The following ZNF230 variants were observed in gnomAD, a reference collection of about 807,000 sequenced individuals.
ZNF230 encodes the protein zinc finger protein FDZF2.
Under a neutral mutation model 10.0 loss-of-function variants are expected in ZNF230, and 12 were observed. That is an observed-to-expected ratio of 1.20 (90% confidence interval 0.77 to 1.95). The LOEUF is 1.95. Ranked by LOEUF, ZNF230 falls within the 30% of genes most tolerant of loss-of-function variation. The pLI, the probability that ZNF230 is intolerant of heterozygous loss-of-function variation, is 0.00. For synonymous variants in ZNF230, 174 were observed against 193.6 expected (o/e 0.90, Z 0.84); for missense variants, 532 against 565.8 (o/e 0.94, Z 0.61).
In ZNF230 at chr19:44,011,569, CTTTGT is replaced by C. The variant is rs765149988; in HGVS notation, c.*110_*114del. 4.9e-6 allele frequency: 6 copies of C among 1,227,624 alleles called. No homozygotes were observed. The highest frequency in any genetic ancestry group is 1.5e-5 in the South Asian group (1 of 65,448). The allele number at this position is 1,227,624 out of a possible 1,614,324, so 76.0% of individuals were successfully genotyped here. On this transcript the variant is annotated 3_prime_UTR_variant, in exon 5 of 5. Coordinates refer to ENST00000429154, the MANE Select transcript of ZNF230 (RefSeq NM_006300.4). ...GTATTACCTTAAACAATTAACATTT[CTTTGT>C]TTTGGGAAAATTCAAAATCCATTGT...
At chr19:44,007,221 T>C in intron 2 of ZNF230, 128 bp downstream of exon 2, 1 of 809,160 alleles carries the variant, frequency 1.2e-6, no homozygotes, top group Non-Finnish European at 1.8e-6. Context: ...TGCCAGTTGC[T>C]TCCTTTGTCT....
intron 2 of ZNF230, 35 bp from the exon 3 acceptor site, chr19:44,008,755 C>G (rs375934191): frequency 6.2e-7 from 1 of 1,608,884 alleles, no homozygotes; most frequent in Non-Finnish European, 8.5e-7. Context: ...AGTCCATGGT[C>G]ATAGGATTGA....
In ZNF230 at chr19:44,011,365, C is replaced by G. The variant is rs1437942936; in HGVS notation, c.1326C>G (p.His442Gln). The change falls in exon 5 of 5, where the codon CAC becomes CAG. Residue 442 changes from histidine to glutamine, a missense_variant. Coordinates refer to ENST00000429154, the MANE Select transcript of ZNF230 (RefSeq NM_006300.4). ...RSFCKDQQGD[H>Q]NGENSSKCED... is the part of the protein sequence containing the mutation. Reference sequence around the variant, plus strand: ...TCTGTAAAGACCAACAAGGAGACCACAATGGAGAAAACTCATCCAAATGTG... The same window carrying G: ...TCTGTAAAGACCAACAAGGAGACCAGAATGGAGAAAACTCATCCAAATGTG... 1 of 1,614,042 alleles carries G rather than the reference C, an allele frequency of 6.2e-7. No individual in the cohort carries two copies.
rs1391724327 is a variant in ZNF230, at chr19:44,011,152, G to A, written c.1113G>A (p.Lys371=). 1 of 1,614,154 alleles carries A rather than the reference G, an allele frequency of 6.2e-7. No individual in the cohort carries two copies. Among genetic ancestry groups the A allele is most frequent in the South Asian group, 1.1e-5 (1 of 91,088 alleles). ...EKPYRCEECG[K]GYISKSGLNL... Reference sequence around the variant, plus strand: ...CATACAGATGTGAGGAGTGTGGGAAGGGCTACATTAGTAAGTCAGGTCTTA... The same window carrying A: ...CATACAGATGTGAGGAGTGTGGGAAAGGCTACATTAGTAAGTCAGGTCTTA... The change falls in exon 5 of 5, where the codon AAG becomes AAA. Residue 371 remains lysine (K), a synonymous_variant. Transcript: ENST00000429154.
At position 44,010,903 on chromosome 19, in the gene ZNF230, C is replaced by T; in HGVS notation, c.864C>T (p.Ser288=). ...TCAAATGTGAAATATGTGGTAAGAG[C>T]TTCTGCCTTAGGTCAAGTCTTAATA... ...KPFKCEICGK[S]FCLRSSLNRH... Residue 288 remains serine (S), a synonymous_variant, in exon 5 of 5, where the codon AGC becomes AGT. Transcript: ENST00000429154. 12 of 1,614,216 alleles carry T rather than the reference C, an allele frequency of 7.4e-6. No homozygotes were observed. Among genetic ancestry groups the T allele is most frequent in the African/African-American group, 1.3e-5 (1 of 75,054 alleles).
rs1277589039 is a variant in ZNF230, at chr19:44,011,011, T to A, written c.972T>A (p.His324Gln). Reference sequence around the variant, plus strand: ...GCTTCACTGATAGCCTAGATTTGCATAAGCATCAGATAATTCACACAGGAC... The same window carrying A: ...GCTTCACTGATAGCCTAGATTTGCAAAAGCATCAGATAATTCACACAGGAC... ...GKGFTDSLDL[H>Q]KHQIIHTGQK... The change falls in exon 5 of 5, where the codon CAT becomes CAA. Residue 324 changes from histidine to glutamine, a missense_variant. His to Gln is a conservative substitution (Grantham distance 24). Coordinates refer to ENST00000429154, the MANE Select transcript of ZNF230 (RefSeq NM_006300.4). 1 of 1,614,190 alleles carries A rather than the reference T, an allele frequency of 6.2e-7. No homozygotes were observed. The highest frequency in any genetic ancestry group is 2.2e-5 in the East Asian group (1 of 44,880).
intron 2 of ZNF230, 68 bp from the exon 3 acceptor site, chr19:44,008,722 C>G (rs1976144079): frequency 1.3e-6 from 2 of 1,569,842 alleles, no homozygotes; most frequent in African/African-American, 1.4e-5. Context: ...TCTCCGCCTG[C>G]TCAATGCTGC....
chr19:44,010,305 A>G lies in ZNF230; in HGVS notation c.266A>G (p.Asp89Gly), dbSNP rs759465343. ...ATTGCGGAAGCAGGACCACATGAAG[A>G]CTGCCCTTGCCAGCAAATCTGGGAA... ...KTIAEAGPHE[D>G]CPCQQIWEQT... is the part of the protein sequence containing the mutation. The change falls in exon 5 of 5, where the codon GAC becomes GGC. Residue 89 changes from aspartate (D) to glycine (G), a missense_variant. Transcript: ENST00000429154. 15 of 1,613,334 alleles carry G rather than the reference A, an allele frequency of 9.3e-6. No individual in the cohort carries two copies. The Admixed American group carries it at 1.8e-4, about 20-fold the overall frequency.
In ZNF230 at chr19:44,013,241, A is replaced by G. The variant is rs922551121; in HGVS notation, c.*1777A>G. The G allele has an allele frequency of 6.6e-6, 1 of 152,192 alleles. No homozygotes were observed. The highest frequency in any genetic ancestry group is 6.5e-5 in the Admixed American group (1 of 15,286). The allele number at this position is 152,192 out of a possible 1,614,324, so 9.4% of individuals were successfully genotyped here. A position where few individuals can be genotyped will look rare whatever the true frequency, so the allele number is the denominator to read the frequency against. ...CAGGTAGAAGCTATGCCAATTTGAC[A>G]ATTTTTGGAAACCTAACCTAATATT... On this transcript the variant is annotated 3_prime_UTR_variant, in exon 5 of 5. Transcript: ENST00000429154.
chr19:44,007,758 C>T (rs1467581577), intron 2 of ZNF230, among the ~76,000 whole-genome samples: 1 of 152,224 alleles, frequency 6.6e-6, no homozygotes, highest in Non-Finnish European at 1.5e-5. Flanking sequence ...ATTCTGTCTT[C>T]TTTATAAATC....
Position 44,012,616 on chromosome 19 carries a change from A to C in ZNF230, c.*1152A>C, listed in dbSNP as rs1976198375. On this transcript the variant is annotated 3_prime_UTR_variant, in exon 5 of 5. Coordinates refer to ENST00000429154, the MANE Select transcript of ZNF230 (RefSeq NM_006300.4). ...CAAAACCCTAATGATGAACATGTCA[A>C]AAGTGGTGACCACTAGAATGTCAAC... The C allele has an allele frequency of 2.5e-6, 1 of 405,358 alleles. No individual in the cohort carries two copies. Among genetic ancestry groups the C allele is most frequent in the South Asian group, 1.9e-5 (1 of 53,074 alleles). 25.1% of individuals were successfully genotyped at this position (405,358 alleles called of 1,614,324 possible).
intron 2 of ZNF230, among the ~76,000 whole-genome samples, chr19:44,008,195 T>C (rs771169661): frequency 6.6e-6 from 1 of 152,114 alleles, no homozygotes; most frequent in Non-Finnish European, 1.5e-5. Context: ...TAACTCAAGA[T>C]ATTATCTTTT....
At position 44,011,695 on chromosome 19, in the gene ZNF230, T is replaced by C. The variant is rs1976186367; in HGVS notation, c.*231T>C. 4.6e-6 allele frequency: 2 copies of C among 434,944 alleles called. No individual in the cohort carries two copies. The highest frequency in any genetic ancestry group is 8.1e-6 in the Non-Finnish European group (2 of 246,490). 26.9% of individuals were successfully genotyped at this position (434,944 alleles called of 1,614,324 possible). A position where few individuals can be genotyped will look rare whatever the true frequency, so the allele number is the denominator to read the frequency against. The stretch of plus-strand genomic sequence containing the variant: ...ATGTATTTCTCCTATCTAGCAGTAC[T>C]TATGTATCTTGTTACCCAATCTTTG... On this transcript the variant is annotated 3_prime_UTR_variant, in exon 5 of 5. Transcript: ENST00000429154.
At chr19:44,007,138 G>T (rs758636715) in intron 2 of ZNF230, 45 bp downstream of exon 2, 1 of 1,586,050 alleles carries the variant, frequency 6.3e-7, no homozygotes, top group South Asian at 1.1e-5. Context: ...CCATCTTATT[G>T]CTCATATTGT....
rs952601736 is a variant in ZNF230 at position 44,011,708 on chromosome 19, T to C, written c.*244T>C. 5.0e-6 allele frequency: 2 copies of C among 397,066 alleles called. No individual in the cohort carries two copies. Among genetic ancestry groups the C allele is most frequent in the South Asian group, 5.7e-5 (2 of 34,984 alleles). 24.6% of individuals were successfully genotyped at this position (397,066 alleles called of 1,614,324 possible). A position where few individuals can be genotyped will look rare whatever the true frequency, so the allele number is the denominator to read the frequency against. ...ATCTAGCAGTACTTATGTATCTTGT[T>C]ACCCAATCTTTGGCTATCTCACCTA... is the stretch of plus-strand genomic sequence containing the variant. On this transcript the variant is annotated 3_prime_UTR_variant, in exon 5 of 5. Coordinates refer to ENST00000429154, the MANE Select transcript of ZNF230 (RefSeq NM_006300.4).
chr19:44,012,459 T>C lies in ZNF230; in HGVS notation c.*995T>C. On this transcript the variant is annotated 3_prime_UTR_variant, in exon 5 of 5. Coordinates refer to ENST00000429154, the MANE Select transcript of ZNF230 (RefSeq NM_006300.4). Reference sequence around the variant, plus strand: ...GTTAAATTCAGTGTTTCACCATAGCTCAGCATTCTCCCATCATCCTAGGAC... The same window carrying C: ...GTTAAATTCAGTGTTTCACCATAGCCCAGCATTCTCCCATCATCCTAGGAC... 1 of 519,060 alleles carries C rather than the reference T, an allele frequency of 1.9e-6. No homozygotes were observed. The highest frequency in any genetic ancestry group is 3.8e-6 in the Non-Finnish European group (1 of 259,878). 32.2% of individuals were successfully genotyped at this position (519,060 alleles called of 1,614,324 possible).
In ZNF230 at chr19:44,010,788, A is replaced by T. The variant is rs535973877; in HGVS notation, c.749A>T (p.Lys250Ile). 1.9e-4 allele frequency: 301 copies of T among 1,614,216 alleles called. 3 individuals are homozygous for T. The South Asian group carries it at 3.1e-3, about 16-fold the overall frequency. Residue 250 changes from lysine (K) to isoleucine (I), a missense_variant, in exon 5 of 5, where the codon AAA becomes ATA. Transcript: ENST00000429154. Reference protein sequence around the residue: ...QVHCKLHTGEKPYICEKCGRA... With the variant: ...QVHCKLHTGEIPYICEKCGRA... ...CACTGCAAATTACACACAGGAGAGAAACCTTATATTTGTGAGAAATGTGGG... is the reference window on the plus strand; with the variant it reads ...CACTGCAAATTACACACAGGAGAGATACCTTATATTTGTGAGAAATGTGGG...
Position 44,012,218 on chromosome 19 carries a change from C to G in ZNF230, c.*754C>G. 1 of 349,320 alleles carries G rather than the reference C, an allele frequency of 2.9e-6. No homozygotes were observed. The highest frequency in any genetic ancestry group is 2.1e-5 in the South Asian group (1 of 46,600). 21.6% of individuals were successfully genotyped at this position (349,320 alleles called of 1,614,324 possible). A position where few individuals can be genotyped will look rare whatever the true frequency, so the allele number is the denominator to read the frequency against. On this transcript the variant is annotated 3_prime_UTR_variant, in exon 5 of 5. Coordinates refer to ENST00000429154, the MANE Select transcript of ZNF230 (RefSeq NM_006300.4). ...TCAGGCCTCAAGTCCTCAACTGCAC[C>G]AGAGTGTCCACGTTGGACAGAATCC...
At chr19:44,006,333 T>G (rs765408567) in intron 1 of ZNF230, among the ~76,000 whole-genome samples, 1 of 152,218 alleles carries the variant, frequency 6.6e-6, no homozygotes, top group African/African-American at 2.4e-5. Context: ...ACATTATTAG[T>G]GGGCATTCTA....
Sources: gnomAD v4.1 joint callset for allele counts (sites outside exome capture counted in the v4.1 genomes callset) on GRCh38, gnomAD v4.1.1 for gene constraint, MANE v1.5 for transcripts, NCBI Gene and HGNC (gene_info 2026-07-23, HGNC 2026-07-21) for gene names.